Variants in CDH20 observed in about 807,000 individuals in gnomAD.
CDH20 encodes the protein cadherin 20.
Under a neutral mutation model 74.2 loss-of-function variants are expected in CDH20, and 29 were observed. The ratio of observed to expected loss-of-function variants is 0.39; its 90% CI spans 0.29 to 0.53. The LOEUF is 0.53. Ranked by LOEUF, CDH20 falls within the 20% of genes least tolerant of loss-of-function variation. The probability of loss-of-function intolerance (pLI) is 0.69; values close to 1 mark genes in which losing one functional copy is unlikely to be tolerated. For synonymous variants in CDH20, 469 were observed against 405.4 expected (o/e 1.16, Z -1.88); for missense variants, 988 against 1,048.3 (o/e 0.94, Z 0.79).
intron 6 of CDH20, among the ~76,000 whole-genome samples, chr18:61,525,964 A>ATTTT (rs1006282537): frequency 4.1e-4 from 35 of 84,338 alleles, no homozygotes; most frequent in South Asian, 1.4e-3. Context: ...CACCCAGCTA[A>ATTTT]TTTTTTTTTT....
At chr18:61,459,468 A>T (rs1220579419) in intron 1 of CDH20, among the ~76,000 whole-genome samples, 1 of 152,164 alleles carries the variant, frequency 6.6e-6, no homozygotes, top group Non-Finnish European at 1.5e-5. Context: ...TACTAATGCT[A>T]AGTCCTATAT....
At chr18:61,388,551 T>C (rs1401092967) in intron 1 of CDH20, among the ~76,000 whole-genome samples, 1 of 152,208 alleles carries the variant, frequency 6.6e-6, no homozygotes, top group Non-Finnish European at 1.5e-5. Flanking sequence ...ATTCATTTGA[T>C]TTGCATTTTG....
At chr18:61,382,940 G>A (rs1440905807) in intron 1 of CDH20, among the ~76,000 whole-genome samples, 1 of 152,160 alleles carries the variant, frequency 6.6e-6, no homozygotes, top group African/African-American at 2.4e-5. Context: ...CTGGCAGCAT[G>A]GGTTTGAATC....
intron 6 of CDH20, among the ~76,000 whole-genome samples, chr18:61,527,366 A>AACAGATAGATAG (rs1555683338): frequency 3.5e-5 from 5 of 142,148 alleles, no homozygotes; most frequent in African/African-American, 1.3e-4. Flanking sequence ...TGAATATTCT[A>AACAGATAGATAG]ATAGATAGAT....
rs531894507 is a variant in CDH20 at position 61,502,962 on chromosome 18, G to A, written c.671G>A (p.Arg224Lys). 2.1e-5 allele frequency: 34 copies of A among 1,610,524 alleles called. No individual in the cohort carries two copies. In the East Asian group the frequency reaches 5.6e-4, roughly 26 times the overall value. Reference sequence around the variant, plus strand: ...CATTTCTATCCTCCAGGTGTAATTAGGACAGCGCTCATGAACATGGACAGA... The same window carrying A: ...CATTTCTATCCTCCAGGTGTAATTAAGACAGCGCTCATGAACATGGACAGA... ...FSVDSKTGVI[R>K]TALMNMDREA... The change falls in exon 5 of 12, where the codon AGG becomes AAG. Residue 224 changes from arginine to lysine, a missense_variant. By Grantham distance (26) the Arg-to-Lys change is conservative. This residue lies in a region of CDH20 where 613 missense variants were observed against 755.2 expected (regional missense o/e 0.81). Transcript: ENST00000262717.
At chr18:61,447,066 G>C (rs928639687) in intron 1 of CDH20, among the ~76,000 whole-genome samples, 1 of 152,232 alleles carries the variant, frequency 6.6e-6, no homozygotes, top group Admixed American at 6.5e-5. Context: ...AGAATGCAAA[G>C]TAGTTCTATA....
chr18:61,533,062 C>G (rs1447010069), intron 7 of CDH20, among the ~76,000 whole-genome samples: 2 of 152,162 alleles, frequency 1.3e-5, no homozygotes, highest in African/African-American at 4.8e-5. Context: ...AGGAAAATCA[C>G]TTGAGGGTAG....
intron 1 of CDH20, among the ~76,000 whole-genome samples, chr18:61,361,462 T>C (rs1374125061): frequency 2.0e-5 from 3 of 152,226 alleles, no homozygotes. Context: ...ACTAAGATCA[T>C]CTAAGTCAAT....
intron 1 of CDH20, among the ~76,000 whole-genome samples, chr18:61,374,138 G>C (rs548604840): frequency 6.6e-6 from 1 of 152,142 alleles, no homozygotes; most frequent in Admixed American, 6.5e-5. Flanking sequence ...AGGAAGGGAA[G>C]GGGAAAGATT....
chr18:61,410,101 A>G (rs559631066), intron 1 of CDH20, among the ~76,000 whole-genome samples: 62 of 152,300 alleles, frequency 4.1e-4, no homozygotes, highest in Admixed American at 1.3e-3. Flanking sequence ...TTGTCCTACT[A>G]TGTTTCCTAG....
At chr18:61,389,993 C>A (rs2144200223) in intron 1 of CDH20, among the ~76,000 whole-genome samples, 1 of 152,250 alleles carries the variant, frequency 6.6e-6, no homozygotes, top group Middle Eastern at 3.4e-3. Context: ...CTTCCTTGCC[C>A]CCATGACCAA....
At chr18:61,408,944 T>G (rs1298216083) in intron 1 of CDH20, among the ~76,000 whole-genome samples, 1 of 152,224 alleles carries the variant, frequency 6.6e-6, no homozygotes, top group South Asian at 2.1e-4. Context: ...CAGACCTTTT[T>G]AATTCTAGCA....
At chr18:61,411,197 GAAA>G (rs35401750) in intron 1 of CDH20, among the ~76,000 whole-genome samples, 1 of 141,902 alleles carries the variant, frequency 7.0e-6, no homozygotes, top group Non-Finnish European at 1.5e-5. Context: ...GACTCTGTCT[GAAA>G]AAAAAAAAAA....
intron 1 of CDH20, among the ~76,000 whole-genome samples, chr18:61,487,374 G>A (rs1459268053): frequency 6.6e-6 from 1 of 152,168 alleles, no homozygotes; most frequent in Non-Finnish European, 1.5e-5. Flanking sequence ...CTCTAATTGT[G>A]AAAAGAATAA....
At chr18:61,497,499 A>T (rs1911213538) in intron 2 of CDH20, among the ~76,000 whole-genome samples, 1 of 152,172 alleles carries the variant, frequency 6.6e-6, no homozygotes, top group South Asian at 2.1e-4. Context: ...AAAAGCCAAC[A>T]GGTTGTTTTT....
intron 1 of CDH20, among the ~76,000 whole-genome samples, chr18:61,448,001 C>T (rs1353295596): frequency 6.6e-6 from 1 of 152,296 alleles, no homozygotes; most frequent in East Asian, 1.9e-4. Context: ...GTTTTGAACT[C>T]AGGCTCCACC....
intron 1 of CDH20, among the ~76,000 whole-genome samples, chr18:61,427,696 C>G (rs909725619): frequency 6.6e-6 from 1 of 152,220 alleles, no homozygotes; most frequent in African/African-American, 2.4e-5. Flanking sequence ...CTGTGCTTCT[C>G]TTATCACAAA....
In CDH20 at chr18:61,353,415, T is replaced by C. The variant is rs1258824312; in HGVS notation, c.-153+19588T>C. On this transcript the variant is annotated intron_variant, in intron 1 of 11. Coordinates refer to ENST00000262717, the MANE Select transcript of CDH20 (RefSeq NM_031891.4). The surrounding 1 kb of genome is among the most constrained non-coding windows in gnomAD (Gnocchi z 4.6). ...CTCAATTTTATGGGTCAATAGTTAC[T>C]TCTTCTTCCCCTAGATTCTCATAAA... Among the ~76,000 whole-genome samples, 1 of 152,208 alleles carries C rather than the reference T, an allele frequency of 6.6e-6. No homozygotes were observed. The highest frequency in any genetic ancestry group is 1.9e-4 in the East Asian group (1 of 5,196).
At chr18:61,339,217 A>G (rs1298883207) in intron 1 of CDH20, among the ~76,000 whole-genome samples, 1 of 152,122 alleles carries the variant, frequency 6.6e-6, no homozygotes, top group African/African-American at 2.4e-5. Context: ...TATGTTGTTA[A>G]AATGTACAAT....
Sources: gnomAD v4.1 joint callset for allele counts (sites outside exome capture counted in the v4.1 genomes callset) on GRCh38, gnomAD v4.1.1 for gene constraint, gnomAD v4.1.1 regional missense constraint, Gnocchi (gnomAD v3.1) non-coding constraint, MANE v1.5 for transcripts, NCBI Gene and HGNC (gene_info 2026-07-23, HGNC 2026-07-21) for gene names.